Variants in CNTNAP4 observed in about 807,000 individuals in gnomAD.
CNTNAP4 encodes contactin associated protein family member 4.
Under a neutral mutation model 148.4 loss-of-function variants are expected in CNTNAP4, and 98 were observed. The ratio of observed to expected loss-of-function variants is 0.66; its 90% CI spans 0.56 to 0.78. CNTNAP4 has a LOEUF of 0.78. CNTNAP4 is among the 30% of genes least tolerant of loss of function. CNTNAP4 has a pLI of 0.00. For missense variants in CNTNAP4, 1,935 were observed against 1,565.6 expected (o/e 1.24, Z -3.98); for synonymous variants, 730 against 565.1 (o/e 1.29, Z -4.14).
chr16:76,525,896 G>C (rs1038976329), intron 17 of CNTNAP4, among the ~76,000 whole-genome samples: 2 of 148,330 alleles, frequency 1.3e-5, no homozygotes, highest in African/African-American at 4.9e-5. Flanking sequence ...TTTGTATATA[G>C]TTTATACATA....
intron 15 of CNTNAP4, among the ~76,000 whole-genome samples, chr16:76,514,002 A>G (rs563854379): frequency 3.3e-5 from 5 of 152,326 alleles, no homozygotes; most frequent in African/African-American, 1.2e-4. Context: ...ATTTTATTGC[A>G]TGATCATGTG....
chr16:76,284,279 T>C (rs879692559), intron 1 of CNTNAP4, among the ~76,000 whole-genome samples: 2 of 151,942 alleles, frequency 1.3e-5, no homozygotes, highest in African/African-American at 4.8e-5. Context: ...GTATGGATGA[T>C]TGTTTTCATG....
At chr16:76,528,284 G>A (rs1220244088) in intron 17 of CNTNAP4, among the ~76,000 whole-genome samples, 1 of 151,956 alleles carries the variant, frequency 6.6e-6, no homozygotes, top group African/African-American at 2.4e-5. Flanking sequence ...ATTTGAGATG[G>A]ATCTCTCTCT....
chr16:76,312,595 C>T (rs1219077841), intron 1 of CNTNAP4, among the ~76,000 whole-genome samples: 1 of 152,114 alleles, frequency 6.6e-6, no homozygotes, highest in Non-Finnish European at 1.5e-5. Context: ...GCATGGCAAA[C>T]CTGGAACTGG....
chr16:76,476,844 C>T lies in CNTNAP4; in HGVS notation c.1762+799C>T, dbSNP rs147114458. Among the ~76,000 whole-genome samples the T allele has an allele frequency of 1.1e-3, 166 of 152,242 alleles. 2 individuals are homozygous for T. The East Asian group carries it at 0.028, about 26-fold the overall frequency. ...TCAACATACACGTTTTGAGGGGACA[C>T]AAACCTTCAGTCTATTGCGCTAGAT... On this transcript the variant is annotated intron_variant, in intron 11 of 23. Coordinates refer to ENST00000611870, the MANE Select transcript of CNTNAP4 (RefSeq NM_033401.5).
rs1289974797 is a variant in CNTNAP4, at chr16:76,506,396, C to A, written c.2365+7702C>A. On this transcript the variant is annotated intron_variant, in intron 15 of 23. Transcript: ENST00000611870. Reference sequence around the variant, plus strand: ...CCTCCCTTCCTCATTTCCTTCTTTCCTTCTTTCCTCCCTTCCTCCCTTCCT... The same window carrying A: ...CCTCCCTTCCTCATTTCCTTCTTTCATTCTTTCCTCCCTTCCTCCCTTCCT... Among the ~76,000 whole-genome samples, 3 of 48,894 alleles carry A rather than the reference C, an allele frequency of 6.1e-5. 1 individual carries two copies. The highest frequency in any genetic ancestry group is 1.6e-4 in the Non-Finnish European group (2 of 12,340). 32.1% of individuals were successfully genotyped at this position (48,894 alleles called of 152,430 possible). A position where few individuals can be genotyped will look rare whatever the true frequency, so the allele number is the denominator to read the frequency against.
At chr16:76,430,887 C>G (rs1178807934) in intron 4 of CNTNAP4, among the ~76,000 whole-genome samples, 1 of 152,142 alleles carries the variant, frequency 6.6e-6, no homozygotes, top group African/African-American at 2.4e-5. Flanking sequence ...AGCCAGTGCC[C>G]TTGATAACTA....
At chr16:76,370,276 G>C (rs13335812) in intron 3 of CNTNAP4, among the ~76,000 whole-genome samples, 7,561 of 151,802 alleles carry the variant, frequency 0.05, 613 homozygotes, top group African/African-American at 0.17. Flanking sequence ...TCTAATCTGA[G>C]TGTATTCTGA....
intron 12 of CNTNAP4, among the ~76,000 whole-genome samples, chr16:76,485,282 CA>C (rs1315392890): frequency 6.6e-6 from 1 of 151,858 alleles, no homozygotes; most frequent in Non-Finnish European, 1.5e-5. Context: ...CACGCCCAGC[CA>C]ATTTTGTATT....
At chr16:76,279,127 C>T (rs911981360) in intron 1 of CNTNAP4, among the ~76,000 whole-genome samples, 5 of 152,190 alleles carry the variant, frequency 3.3e-5, no homozygotes, top group African/African-American at 9.7e-5. Context: ...ACAACACCCA[C>T]ACACAAATGG....
At chr16:76,496,952 G>C in intron 14 of CNTNAP4, among the ~76,000 whole-genome samples, 1 of 152,094 alleles carries the variant, frequency 6.6e-6, no homozygotes, top group South Asian at 2.1e-4. Flanking sequence ...TGTAAACAAA[G>C]GGTATTTTAA....
chr16:76,336,486 A>G (rs1964038711), intron 2 of CNTNAP4, among the ~76,000 whole-genome samples: 1 of 152,228 alleles, frequency 6.6e-6, no homozygotes, highest in African/African-American at 2.4e-5. Context: ...CATACCACTG[A>G]TCAGAACTTA....
chr16:76,501,279 G>C (rs1373170561), intron 15 of CNTNAP4, among the ~76,000 whole-genome samples: 1 of 152,188 alleles, frequency 6.6e-6, no homozygotes. Context: ...ATTTTTCATG[G>C]CTGTAGAGAA....
At chr16:76,541,507 A>AGAG (rs2084454116) in intron 21 of CNTNAP4, among the ~76,000 whole-genome samples, 1 of 152,198 alleles carries the variant, frequency 6.6e-6, no homozygotes, top group Non-Finnish European at 1.5e-5. Context: ...TTATTTGAGG[A>AGAG]GAGGGGGGCT....
rs1263075938 is a variant in CNTNAP4 at position 76,506,623 on chromosome 16, A to C, written c.2365+7929A>C. On this transcript the variant is annotated intron_variant, in intron 15 of 23. Transcript: ENST00000611870. Reference sequence around the variant, plus strand: ...GTAGCTCGGATTACAGGCGTGTGCCACCAGGACCAGTTAATTTTTGTGTTT... The same window carrying C: ...GTAGCTCGGATTACAGGCGTGTGCCCCCAGGACCAGTTAATTTTTGTGTTT... Among the ~76,000 whole-genome samples, 2 of 91,692 alleles carry C rather than the reference A, an allele frequency of 2.2e-5. 1 individual carries two copies. The highest frequency in any genetic ancestry group is 5.3e-5 in the African/African-American group (2 of 37,508). The allele number at this position is 91,692 out of a possible 152,430, so 60.2% of individuals were successfully genotyped here. A position where few individuals can be genotyped will look rare whatever the true frequency, so the allele number is the denominator to read the frequency against.
chr16:76,447,863 G>A (rs148649910), intron 4 of CNTNAP4, 149 bp from the exon 5 acceptor site: 5 of 611,008 alleles, frequency 8.2e-6, no homozygotes, highest in South Asian at 6.6e-5. Flanking sequence ...GGGTTTATCA[G>A]GATATAACTC....
At chr16:76,516,674 T>C (rs995802879) in intron 15 of CNTNAP4, among the ~76,000 whole-genome samples, 2 of 152,244 alleles carry the variant, frequency 1.3e-5, no homozygotes, top group African/African-American at 4.8e-5. Context: ...AGGTAGATGG[T>C]TAAATAAATT....
intron 1 of CNTNAP4, among the ~76,000 whole-genome samples, chr16:76,282,009 G>A (rs548486911): frequency 4.6e-5 from 7 of 151,238 alleles, no homozygotes; most frequent in Admixed American, 2.6e-4. Context: ...TTACTCTCTG[G>A]CACTTTATAT....
chr16:76,321,708 G>GA (rs1322902811), intron 2 of CNTNAP4, among the ~76,000 whole-genome samples: 1 of 147,304 alleles, frequency 6.8e-6, no homozygotes, highest in East Asian at 2.0e-4. Context: ...AGAATGGCAT[G>GA]AACCCGGGAG....
Sources: allele counts gnomAD v4.1 joint callset (sites outside exome capture counted in the v4.1 genomes callset), GRCh38; gene constraint gnomAD v4.1.1; transcripts MANE v1.5; gene names NCBI Gene and HGNC (gene_info 2026-07-23, HGNC 2026-07-21).